The following SACS variants were observed in gnomAD, a reference collection of about 807,000 sequenced individuals.
The protein encoded by SACS is sacsin.
Under a neutral mutation model 348.0 loss-of-function variants are expected in SACS, and 197 were observed. That is an observed-to-expected ratio of 0.57 (90% CI 0.50 to 0.64). The LOEUF (loss-of-function observed/expected upper bound fraction) is 0.64. Among genes scored for constraint, SACS ranks in the 30% least tolerant of loss-of-function variants. The pLI, the probability that SACS is intolerant of heterozygous loss-of-function variation, is 0.00. For synonymous variants in SACS, 1,985 were observed against 1,910.6 expected (o/e 1.04, Z -1.02); for missense variants, 4,999 against 5,360.8 (o/e 0.93, Z 2.11).
At chr13:23,362,062 G>A (rs1175692547) in intron 6 of SACS, among the ~76,000 whole-genome samples, 1 of 152,112 alleles carries the variant, frequency 6.6e-6, no homozygotes, top group Non-Finnish European at 1.5e-5. Flanking sequence ...TATTTAAGAG[G>A]CATAATCCCC....
intron 2 of SACS, among the ~76,000 whole-genome samples, chr13:23,382,805 T>TAA (rs1331373510): frequency 6.7e-6 from 1 of 148,508 alleles, no homozygotes; most frequent in Non-Finnish European, 1.5e-5. Context: ...TTTTTTGAGA[T>TAA]AGAGTCTAGC....
At chr13:23,378,478 T>C (rs922928577) in intron 2 of SACS, among the ~76,000 whole-genome samples, 2 of 151,622 alleles carry the variant, frequency 1.3e-5, no homozygotes, top group African/African-American at 2.4e-5. Flanking sequence ...TCTTGCAAAT[T>C]TTTTTTTTCT....
chr13:23,336,025 A>G lies in SACS; in HGVS notation c.7851T>C (p.Tyr2617=). 2 of 1,612,824 alleles carry G rather than the reference A, an allele frequency of 1.2e-6. No homozygotes were observed. Among genetic ancestry groups the G allele is most frequent in the Non-Finnish European group, 1.7e-6 (2 of 1,178,906 alleles). ...LGKGTKEGNP[Y]KTGQYGIGFN... The stretch of plus-strand genomic sequence containing the variant: ...ATCCTATTCCATACTGTCCAGTTTT[A>G]TAAGGATTTCCCTCTTTCGTGCCTT... The change falls in exon 10 of 10, where the codon TAT becomes TAC. Residue 2617 remains tyrosine, a synonymous_variant. Coordinates refer to ENST00000382292, the MANE Select transcript of SACS (RefSeq NM_014363.6).
intron 6 of SACS, among the ~76,000 whole-genome samples, chr13:23,359,448 A>G (rs1425569998): frequency 6.6e-6 from 1 of 152,200 alleles, no homozygotes; most frequent in East Asian, 1.9e-4. Context: ...TGTTCTATAC[A>G]AGGCATTACT....
Position 23,354,871 on chromosome 13 carries a change from C to A in SACS, c.1741G>T (p.Asp581Tyr), listed in dbSNP as rs916805721. ...GTTTTTGTGTATTCTAAATTTTCATCAAGTTCTGAGAAGTACACCTGCTCC... is the reference window on the plus strand; with the variant it reads ...GTTTTTGTGTATTCTAAATTTTCATAAAGTTCTGAGAAGTACACCTGCTCC... Reference protein sequence around the residue: ...RLEQVYFSELDENLEYTKTVL... With the variant: ...RLEQVYFSELYENLEYTKTVL... Residue 581 changes from aspartate (D) to tyrosine (Y), a missense_variant, in exon 8 of 10, where the codon GAT (aspartate) becomes TAT (tyrosine). By Grantham distance (160) the Asp-to-Tyr change is radical. Transcript: ENST00000382292. The A allele has an allele frequency of 1.6e-5, 26 of 1,614,076 alleles. No individual in the cohort carries two copies. The highest frequency in any genetic ancestry group is 2.1e-5 in the Non-Finnish European group (25 of 1,180,058).
At chr13:23,416,363 A>C (rs1873692443) in intron 1 of SACS, among the ~76,000 whole-genome samples, 2 of 152,320 alleles carry the variant, frequency 1.3e-5, no homozygotes, top group South Asian at 4.1e-4. Flanking sequence ...TTAATGAAAG[A>C]GAAAACAAAG....
chr13:23,398,823 TGCC>T (rs1398188400), intron 2 of SACS, among the ~76,000 whole-genome samples: 1 of 151,358 alleles, frequency 6.6e-6, no homozygotes, highest in Non-Finnish European at 1.5e-5. Context: ...CTTAAAAGGA[TGCC>T]TGGTTGAGAC....
intron 2 of SACS, among the ~76,000 whole-genome samples, chr13:23,408,792 C>T (rs1478685311): frequency 2.0e-5 from 3 of 151,782 alleles, no homozygotes; most frequent in Non-Finnish European, 4.4e-5. Context: ...GGTGAAACCC[C>T]ATCTCTACTA....
intron 2 of SACS, among the ~76,000 whole-genome samples, chr13:23,406,010 A>G (rs1029345663): frequency 6.6e-6 from 1 of 152,196 alleles, no homozygotes; most frequent in African/African-American, 2.4e-5. Flanking sequence ...ATACCATTTG[A>G]CCCAGCAATC....
intron 2 of SACS, among the ~76,000 whole-genome samples, chr13:23,377,932 G>A (rs1205283380): frequency 2.0e-5 from 3 of 152,338 alleles, no homozygotes; most frequent in African/African-American, 4.8e-5. Flanking sequence ...TTATTGGACA[G>A]GCCAGATTCA....
chr13:23,331,567 T>A lies in SACS; in HGVS notation c.12309A>T (p.Ala4103=), dbSNP rs1363370445. The A allele has an allele frequency of 6.2e-7, 1 of 1,613,970 alleles. No homozygotes were observed. Among genetic ancestry groups the A allele is most frequent in the South Asian group, 1.1e-5 (1 of 91,074 alleles). The part of the protein sequence containing the change: ...SKDINFLLAL[A]MTLKSATDNL... Reference sequence around the variant, plus strand: ...TGTCAGTTGCTGATTTAAGAGTCATTGCCAATGCTAACAGGAAATTAATGT... The same window carrying A: ...TGTCAGTTGCTGATTTAAGAGTCATAGCCAATGCTAACAGGAAATTAATGT... The change falls in exon 10 of 10, where the codon GCA becomes GCT. Residue 4103 remains alanine, a synonymous_variant. Coordinates refer to ENST00000382292, the MANE Select transcript of SACS (RefSeq NM_014363.6).
At chr13:23,396,726 A>C (rs1872725948) in intron 2 of SACS, among the ~76,000 whole-genome samples, 2 of 152,196 alleles carry the variant, frequency 1.3e-5, no homozygotes. Context: ...ATACATGCCT[A>C]ACATGTGTAT....
rs140118958 is a variant in SACS, at chr13:23,341,155, C to G, written c.2721G>C (p.Leu907Phe). 4 of 1,613,278 alleles carry G rather than the reference C, an allele frequency of 2.5e-6. No individual in the cohort carries two copies. The highest frequency in any genetic ancestry group is 3.4e-6 in the Non-Finnish European group (4 of 1,180,002). The change falls in exon 10 of 10, where the codon TTG becomes TTC. Residue 907 changes from leucine (L) to phenylalanine (F), a missense_variant. Transcript: ENST00000382292. ...TCTCACTGCTATCGGTTAAACTAGC[C>G]AAGAACTTCCTCAGGGCATCTTTGT... ...PTHKDALRKF[L>F]ASLTDSSEKE...
chr13:23,380,541 T>C (rs1029173552), intron 2 of SACS, among the ~76,000 whole-genome samples: 3 of 152,032 alleles, frequency 2.0e-5, no homozygotes, highest in East Asian at 1.9e-4. Flanking sequence ...ATAACAACAA[T>C]AATAATAATA....
chr13:23,398,885 A>AT (rs1247188965), intron 2 of SACS, among the ~76,000 whole-genome samples: 3 of 151,110 alleles, frequency 2.0e-5, no homozygotes, highest in Admixed American at 1.3e-4. Context: ...ATACAAAAAA[A>AT]AATTAGCTGG....
At position 23,346,775 on chromosome 13, in the gene SACS, C is replaced by T. The variant is rs1593138502; in HGVS notation, c.2186-5085G>A. The T allele has an allele frequency of 4.1e-6, 4 of 966,322 alleles. No individual in the cohort carries two copies. The South Asian group carries it at 1.4e-4, about 35-fold the overall frequency. The allele number at this position is 966,322 out of a possible 1,614,324, so 59.9% of individuals were successfully genotyped here. Reference sequence around the variant, plus strand: ...CGAAGAGCCAAATGAACAAAAACATCAGGCTTCAAATGAACACAACATTCA... The same window carrying T: ...CGAAGAGCCAAATGAACAAAAACATTAGGCTTCAAATGAACACAACATTCA... On this transcript the variant is annotated intron_variant, in intron 9 of 9. Transcript: ENST00000382292.
At position 23,375,260 on chromosome 13, in the gene SACS, CG is replaced by C. The variant is rs1057516837; in HGVS notation, c.29del (p.Pro10ArgfsTer2). The part of the protein sequence containing the change: METKENRWV[P>X]VTVLPGCVGC... Reference sequence around the variant, plus strand: ...CCACGCAGCCGGGGAGCACGGTCACCGGGACCCACCTGTGGAAAGCAGAGGG... The same window carrying C: ...CCACGCAGCCGGGGAGCACGGTCACCGGACCCACCTGTGGAAAGCAGAGGG... On this transcript the variant is annotated frameshift_variant, in exon 3 of 10. Coordinates refer to ENST00000382292, the MANE Select transcript of SACS (RefSeq NM_014363.6). LOFTEE classifies it high-confidence loss of function. The C allele has an allele frequency of 6.8e-7, 1 of 1,472,624 alleles. No homozygotes were observed. The highest frequency in any genetic ancestry group is 9.0e-7 in the Non-Finnish European group (1 of 1,108,308). The allele number at this position is 1,472,624 out of a possible 1,614,324, so 91.2% of individuals were successfully genotyped here.
intron 2 of SACS, among the ~76,000 whole-genome samples, chr13:23,395,374 A>G (rs1268846024): frequency 1.3e-5 from 2 of 152,148 alleles, no homozygotes. Context: ...TTTACTAAGG[A>G]TAATTTGGAA....
Position 23,365,184 on chromosome 13 carries a change from C to G in SACS, c.439G>C (p.Asp147His), listed in dbSNP as rs202226274. The stretch of plus-strand genomic sequence containing the variant: ...TTCTTACCCTGATATGGCGCCATAT[C>G]TTTTGACCAAAGAGTCTCTGTTCCG... The part of the protein sequence containing the change: ...QYGTETLWSK[D>H]MAPYQGPALY... The change falls in exon 6 of 10, where the codon GAT becomes CAT. Residue 147 changes from aspartate (D) to histidine (H), a missense_variant. Asp to His is a moderately conservative substitution (Grantham distance 81, BLOSUM62 -1). Coordinates refer to ENST00000382292, the MANE Select transcript of SACS (RefSeq NM_014363.6). 83 of 1,611,522 alleles carry G rather than the reference C, an allele frequency of 5.2e-5. No individual in the cohort carries two copies. In the African/African-American group the frequency reaches 9.9e-4, roughly 19 times the overall value.
Sources: gnomAD v4.1 joint callset for allele counts (sites outside exome capture counted in the v4.1 genomes callset) on GRCh38, gnomAD v4.1.1 for gene constraint, MANE v1.5 for transcripts, NCBI Gene and HGNC (gene_info 2026-07-23, HGNC 2026-07-21) for gene names.